TJAP1: variants seen among roughly 807,000 people sequenced by gnomAD.
TJAP1 encodes tight junction-associated protein 1.
TJAP1 carries 27 observed loss-of-function variants against 42.0 expected under a neutral mutation model. The ratio of observed to expected loss-of-function variants is 0.64; its 90% CI spans 0.47 to 0.89. The LOEUF is 0.89. Ranked by LOEUF, TJAP1 falls within the 40% of genes least tolerant of loss-of-function variation. The probability of loss-of-function intolerance (pLI) is 0.00; values close to 1 mark genes in which losing one functional copy is unlikely to be tolerated. For synonymous variants in TJAP1, 257 were observed against 288.4 expected (o/e 0.89, Z 1.10); for missense variants, 712 against 726.9 (o/e 0.98, Z 0.24).
At chr6:43,502,044 G>A (rs1164958526) in intron 6 of TJAP1, among the ~76,000 whole-genome samples, 1 of 74,786 alleles carries the variant, frequency 1.3e-5, no homozygotes, top group Non-Finnish European at 2.5e-5. Flanking sequence ...GTGGGAATGC[G>A]GGGACACACA....
chr6:43,479,284 C>G (rs1784833639), intron 2 of TJAP1, among the ~76,000 whole-genome samples: 1 of 152,168 alleles, frequency 6.6e-6, no homozygotes, highest in African/African-American at 2.4e-5. Context: ...ACCTGTCCCC[C>G]CAATCAAAGG....
At chr6:43,494,943 T>C (rs771527997) in intron 2 of TJAP1, among the ~76,000 whole-genome samples, 6 of 152,224 alleles carry the variant, frequency 3.9e-5, no homozygotes, top group Non-Finnish European at 7.3e-5. Flanking sequence ...CAGCTCAGCA[T>C]CCAGAGGCCA....
intron 2 of TJAP1, among the ~76,000 whole-genome samples, chr6:43,482,151 T>C (rs1785464914): frequency 6.6e-6 from 1 of 152,242 alleles, no homozygotes; most frequent in Non-Finnish European, 1.5e-5. Flanking sequence ...AAACGTGTTA[T>C]CTCTAAAGAG....
Position 43,480,633 on chromosome 6 carries a change from G to C in TJAP1, c.-122+2401G>C, listed in dbSNP as rs193024121. Among the ~76,000 whole-genome samples the C allele has an allele frequency of 5.1e-4, 78 of 152,166 alleles. 1 individual carries two copies. Among genetic ancestry groups the C allele is most frequent in the Non-Finnish European group, 9.0e-4 (61 of 68,024 alleles). ...AGGTTGAAGTGATTCTCCTGCCTCAGCCTCCCAGGTAGCTGGGATTACAGG... is the reference window on the plus strand; with the variant it reads ...AGGTTGAAGTGATTCTCCTGCCTCACCCTCCCAGGTAGCTGGGATTACAGG... On this transcript the variant is annotated intron_variant, in intron 2 of 10. Coordinates refer to ENST00000372449, the Ensembl canonical transcript of TJAP1.
At position 43,505,185 on chromosome 6, in the gene TJAP1, C is replaced by G; in HGVS notation, c.1004C>G (p.Ser335Cys). The G allele has an allele frequency of 6.2e-7, 1 of 1,614,252 alleles. No individual in the cohort carries two copies. The highest frequency in any genetic ancestry group is 2.2e-5 in the East Asian group (1 of 44,884). The change falls in exon 11 of 11, where the codon TCT becomes TGT. Residue 335 changes from serine to cysteine, a missense_variant. By Grantham distance (112) the Ser-to-Cys change is moderately radical. Transcript: ENST00000372449. This position sits in a 1 kb window ranked among gnomAD's most constrained non-coding sequence, Gnocchi z 5.5. ...CCTGGCCGCAGGGTAATAGAGTTCTCTGAGGATAAGGTTCGGATCCCCCGC... is the reference window on the plus strand; with the variant it reads ...CCTGGCCGCAGGGTAATAGAGTTCTGTGAGGATAAGGTTCGGATCCCCCGC...
At chr6:43,501,344 C>T (rs1790467236) in intron 5 of TJAP1, 182 bp from the exon 6 acceptor site, 4 of 606,376 alleles carry the variant, frequency 6.6e-6, no homozygotes, top group Non-Finnish European at 1.2e-5. Context: ...AGGCTGTGTT[C>T]CCAGGGCCAG....
chr6:43,499,128 C>G, intron 4 of TJAP1, 28 bp downstream of exon 4: 1 of 1,611,576 alleles, frequency 6.2e-7, no homozygotes, highest in Non-Finnish European at 8.5e-7. Flanking sequence ...CACAGCCTGA[C>G]CGGCAGAGGC....
Position 43,505,732 on chromosome 6 carries a change from C to G in TJAP1, c.1551C>G (p.Gly517=). The G allele has an allele frequency of 6.4e-7, 1 of 1,551,732 alleles. No individual in the cohort carries two copies. Among genetic ancestry groups the G allele is most frequent in the Non-Finnish European group, 8.7e-7 (1 of 1,150,652 alleles). Residue 517 remains glycine (G), a synonymous_variant, in exon 11 of 11, where the codon GGC becomes GGG. Transcript: ENST00000372449. This position sits in a 1 kb window ranked among gnomAD's most constrained non-coding sequence, Gnocchi z 5.5. Reference sequence around the variant, plus strand: ...GGCCAGGCACTTCCCACACCGAGGGCAGGGCCTGGCCACTCCCCAGCTCCA... The same window carrying G: ...GGCCAGGCACTTCCCACACCGAGGGGAGGGCCTGGCCACTCCCCAGCTCCA...
chr6:43,504,838 C>T (rs1190718680), exon 11 of TJAP1: 4 of 1,614,120 alleles, frequency 2.5e-6, no homozygotes, highest in African/African-American at 1.3e-5. Flanking sequence ...GTCCTGCTCC[C>T]AGCCTAGCCC....
At chr6:43,478,136 G>C (rs558038300) in exon 2 of TJAP1, 2 of 152,398 alleles carry the variant, frequency 1.3e-5, no homozygotes, top group Admixed American at 1.3e-4. Context: ...CCCAATTTCA[G>C]CTGAAGATTC....
chr6:43,488,996 G>T (rs77114091), intron 2 of TJAP1, among the ~76,000 whole-genome samples: 5,308 of 152,266 alleles, frequency 0.035, 125 homozygotes, highest in Non-Finnish European at 0.05. Context: ...TCATCAGAGA[G>T]CCTGCAGGGC....
intron 2 of TJAP1, among the ~76,000 whole-genome samples, chr6:43,481,185 G>C (rs1785229585): frequency 6.6e-6 from 1 of 152,082 alleles, no homozygotes; most frequent in Admixed American, 6.5e-5. Context: ...CTTCCTCTCA[G>C]AAATAGTAAC....
chr6:43,490,301 C>A (rs1055311057), intron 2 of TJAP1, among the ~76,000 whole-genome samples: 2 of 152,168 alleles, frequency 1.3e-5, no homozygotes, highest in Non-Finnish European at 2.9e-5. Context: ...GAGTCAGCAG[C>A]GTGCTCTTCA....
chr6:43,501,763 C>G (rs1353361768), intron 6 of TJAP1, 76 bp downstream of exon 6: 3 of 660,910 alleles, frequency 4.5e-6, no homozygotes, highest in Non-Finnish European at 8.5e-6. Context: ...CACACACTCT[C>G]TCTGTCTCTC....
intron 2 of TJAP1, among the ~76,000 whole-genome samples, chr6:43,496,291 T>G (rs1789125595): frequency 6.6e-6 from 1 of 152,086 alleles, no homozygotes; most frequent in African/African-American, 2.4e-5. Context: ...CCAGGTGGGT[T>G]TAGGACTTTC....
At chr6:43,506,029 T>G in exon 11 of TJAP1, 1 of 529,892 alleles carries the variant, frequency 1.9e-6, no homozygotes, top group Non-Finnish European at 3.0e-6. Flanking sequence ...GTCAGCTGCG[T>G]TGACTGACTG....
chr6:43,503,876 T>G (rs1179272235), intron 10 of TJAP1, 170 bp downstream of exon 10: 3 of 726,152 alleles, frequency 4.1e-6, no homozygotes, highest in Non-Finnish European at 7.6e-6. Flanking sequence ...TGGTGTCCCG[T>G]GTACTGTCCA....
At chr6:43,490,798 G>C (rs912501435) in intron 2 of TJAP1, among the ~76,000 whole-genome samples, 2 of 152,172 alleles carry the variant, frequency 1.3e-5, no homozygotes, top group Admixed American at 6.5e-5. Context: ...TCAGTAGAGT[G>C]GGGGCAGGAC....
At position 43,491,409 on chromosome 6, in the gene TJAP1, G is replaced by T. The variant is rs902608778; in HGVS notation, c.-121-6472G>T. On this transcript the variant is annotated intron_variant, in intron 2 of 10. Transcript: ENST00000372449. The surrounding 1 kb of genome is among the most constrained non-coding windows in gnomAD (Gnocchi z 4.6). ...AGGTTTAAGCGATTCTCTTACCTCA[G>T]CCTCCCGAGTAGCTGGGATTACAGG... Among the ~76,000 whole-genome samples the T allele has an allele frequency of 1.3e-5, 2 of 152,152 alleles. 1 individual carries two copies. The highest frequency in any genetic ancestry group is 2.9e-5 in the Non-Finnish European group (2 of 68,036).
Sources: allele counts gnomAD v4.1 joint callset (sites outside exome capture counted in the v4.1 genomes callset), GRCh38; gene constraint gnomAD v4.1.1; non-coding constraint Gnocchi (gnomAD v3.1); transcripts MANE v1.5; gene names NCBI Gene and HGNC (gene_info 2026-07-23, HGNC 2026-07-21).